Variants in PRKCE observed in about 807,000 individuals in gnomAD.
PRKCE encodes protein kinase C epsilon type.
Under a neutral mutation model 85.4 loss-of-function variants are expected in PRKCE, and 16 were observed. That is an observed-to-expected ratio of 0.19 (90% CI 0.13 to 0.28). The LOEUF is 0.28. Among genes scored for constraint, PRKCE ranks in the 10% least tolerant of loss-of-function variants. PRKCE has a pLI of 1.00. For missense variants in PRKCE, 573 were observed against 975.2 expected (o/e 0.59, Z 5.49); for synonymous variants, 388 against 371.5 (o/e 1.04, Z -0.51).
chr2:46,082,127 G>C (rs778865041), intron 10 of PRKCE, among the ~76,000 whole-genome samples: 52 of 151,996 alleles, frequency 3.4e-4, no homozygotes, highest in Non-Finnish European at 6.3e-4. Context: ...AGGAAGCGGG[G>C]TGGGTTACAA....
At chr2:46,173,260 C>G (rs1679099194) in intron 14 of PRKCE, among the ~76,000 whole-genome samples, 1 of 152,250 alleles carries the variant, frequency 6.6e-6, no homozygotes, top group African/African-American at 2.4e-5. Context: ...CAGCCACCGT[C>G]ATTCATTTAC....
At chr2:45,828,588 C>A (rs1690147890) in intron 1 of PRKCE, among the ~76,000 whole-genome samples, 1 of 152,118 alleles carries the variant, frequency 6.6e-6, no homozygotes, top group South Asian at 2.1e-4. Context: ...TAATTTGTCT[C>A]ATTTTTAATT....
chr2:46,144,640 A>C (rs1332362009), intron 11 of PRKCE, among the ~76,000 whole-genome samples: 4 of 152,168 alleles, frequency 2.6e-5, no homozygotes, highest in Middle Eastern at 3.2e-3. Flanking sequence ...ATAGTGTTCT[A>C]TAAAGTAGTG....
rs189059316 is a variant in PRKCE at position 45,818,274 on chromosome 2, A to G, written c.349-24726A>G. ...TTTGGGACTGAAGATGTAAACAAAA[A>G]ATCAATCTTGTGACTTGTAGATTTC... is the stretch of plus-strand genomic sequence containing the variant. On this transcript the variant is annotated intron_variant, in intron 1 of 14. Transcript: ENST00000306156. 1.0e-3 allele frequency among the ~76,000 whole-genome samples: 155 copies of G among 152,350 alleles called. No homozygotes were observed. In the East Asian group the frequency reaches 0.016, roughly 16 times the overall value.
intron 2 of PRKCE, among the ~76,000 whole-genome samples, chr2:45,873,810 C>G (rs1363294014): frequency 2.0e-4 from 30 of 152,204 alleles, no homozygotes; most frequent in Admixed American, 1.9e-3. Flanking sequence ...AAAGTGTGAG[C>G]CCAGCAGTGT....
In PRKCE at chr2:45,847,595, G is replaced by A. The variant is rs891219342; in HGVS notation, c.412+4532G>A. Among the ~76,000 whole-genome samples, 5 of 152,086 alleles carry A rather than the reference G, an allele frequency of 3.3e-5. No homozygotes were observed. In the East Asian group the frequency reaches 9.7e-4, roughly 29 times the overall value. The stretch of plus-strand genomic sequence containing the variant: ...TCCATGTGGGAGATGGTGAAATTGA[G>A]AGGTCAGATGATGTGCTCCAGGCCA... On this transcript the variant is annotated intron_variant, in intron 2 of 14. Transcript: ENST00000306156.
rs1574700238 is a variant in PRKCE, at chr2:46,184,940, G to A, written c.*59G>A. The A allele has an allele frequency of 6.3e-7, 1 of 1,586,722 alleles. No homozygotes were observed. ...AAGAAGGGGTGCAGAGAAGACTCCT[G>A]TGTTGGAGACACTCAGCAGGTCTTG... On this transcript the variant is annotated 3_prime_UTR_variant, in exon 15 of 15. Transcript: ENST00000306156. This position sits in a 1 kb window ranked among gnomAD's most constrained non-coding sequence, Gnocchi z 5.0.
intron 1 of PRKCE, among the ~76,000 whole-genome samples, chr2:45,817,563 G>A (rs1164992371): frequency 6.6e-6 from 1 of 152,064 alleles, no homozygotes; most frequent in South Asian, 2.1e-4. Context: ...GCATGGTGGT[G>A]GGCGCCTGTA....
chr2:45,783,957 C>T (rs1055626226), intron 1 of PRKCE, among the ~76,000 whole-genome samples: 2 of 152,338 alleles, frequency 1.3e-5, no homozygotes, highest in Admixed American at 6.5e-5. Context: ...GCCATGACTT[C>T]GAACTTTGTT....
At chr2:45,969,852 T>A (rs573719500) in intron 2 of PRKCE, among the ~76,000 whole-genome samples, 1 of 152,360 alleles carries the variant, frequency 6.6e-6, no homozygotes, top group South Asian at 2.1e-4. Context: ...TCATTCTTTT[T>A]TCACAATATT....
At chr2:45,849,019 G>T (rs939858925) in intron 2 of PRKCE, among the ~76,000 whole-genome samples, 6 of 152,178 alleles carry the variant, frequency 3.9e-5, no homozygotes, top group African/African-American at 1.4e-4. Flanking sequence ...TATTTTCGGG[G>T]ATGGCTGGAT....
intron 1 of PRKCE, among the ~76,000 whole-genome samples, chr2:45,841,515 C>T (rs1006464960): frequency 1.3e-5 from 2 of 152,244 alleles, no homozygotes; most frequent in Non-Finnish European, 2.9e-5. Flanking sequence ...CTTCTGCCTG[C>T]TTTATTCTAG....
intron 1 of PRKCE, among the ~76,000 whole-genome samples, chr2:45,806,493 G>A (rs1361456752): frequency 6.6e-6 from 1 of 152,146 alleles, no homozygotes; most frequent in Admixed American, 6.5e-5. Flanking sequence ...CATTAAGTCC[G>A]TTCACATTGT....
At chr2:45,918,838 C>T (rs903171945) in intron 2 of PRKCE, among the ~76,000 whole-genome samples, 2 of 152,184 alleles carry the variant, frequency 1.3e-5, no homozygotes, top group African/African-American at 4.8e-5. Context: ...TTGTATTTTG[C>T]AGAAGCCCAA....
chr2:45,737,184 C>T (rs1181537305), intron 1 of PRKCE, among the ~76,000 whole-genome samples: 2 of 152,220 alleles, frequency 1.3e-5, no homozygotes, highest in Admixed American at 6.5e-5. Context: ...GTTTCTCCCA[C>T]GCAGCTGTCT....
At chr2:45,963,369 C>T (rs774943882) in intron 2 of PRKCE, among the ~76,000 whole-genome samples, 7 of 152,038 alleles carry the variant, frequency 4.6e-5, no homozygotes, top group Admixed American at 2.6e-4. Flanking sequence ...AGTGTGGTGG[C>T]GTGATCTCGG....
intron 1 of PRKCE, among the ~76,000 whole-genome samples, chr2:45,657,360 A>T (rs1430857591): frequency 6.6e-6 from 1 of 152,176 alleles, no homozygotes; most frequent in Non-Finnish European, 1.5e-5. Context: ...AACCTTCCGT[A>T]TTTCCATTCC....
At chr2:45,810,316 C>T (rs1302682554) in intron 1 of PRKCE, among the ~76,000 whole-genome samples, 1 of 152,166 alleles carries the variant, frequency 6.6e-6, no homozygotes, top group East Asian at 1.9e-4. Flanking sequence ...GCTGGGATTA[C>T]AGGCGTGAAC....
chr2:46,150,949 G>T (rs780404244), intron 12 of PRKCE, 92 bp from the exon 13 acceptor site: 103 of 1,193,328 alleles, frequency 8.6e-5, no homozygotes, highest in Non-Finnish European at 1.1e-4. Context: ...GAGCAAGTTG[G>T]AATTGAAGTC....
Sources: gnomAD v4.1 joint callset for allele counts (sites outside exome capture counted in the v4.1 genomes callset) on GRCh38, gnomAD v4.1.1 for gene constraint, Gnocchi (gnomAD v3.1) non-coding constraint, MANE v1.5 for transcripts, NCBI Gene and HGNC (gene_info 2026-07-23, HGNC 2026-07-21) for gene names.